The following RALGPS2 variants were observed in gnomAD, a reference collection of about 807,000 sequenced individuals.
RALGPS2 encodes ras-specific guanine nucleotide-releasing factor RalGPS2.
A neutral mutation model predicts 86.8 loss-of-function variants in RALGPS2; 43 were observed. The ratio of observed to expected loss-of-function variants is 0.50; its 90% CI spans 0.39 to 0.64. The LOEUF (loss-of-function observed/expected upper bound fraction) is 0.64. Among genes scored for constraint, RALGPS2 ranks in the 30% least tolerant of loss-of-function variants. The pLI, the probability that RALGPS2 is intolerant of heterozygous loss-of-function variation, is 0.00. For synonymous variants in RALGPS2, 243 were observed against 231.3 expected, an observed-to-expected ratio of 1.05 and a Z score of -0.46; for missense variants, 536 against 694.6, an observed-to-expected ratio of 0.77 and a Z score of 2.57.
rs61747558 is a variant in RALGPS2, at chr1:178,776,779, C to T, written c.15C>T (p.Asn5=). MDLM[N]GQASSVNIAA... ...ATGAGGAAAGCATGGACCTAATGAACGGGCAGGCAAGCAGTGTCAATATTG... is the reference window on the plus strand; with the variant it reads ...ATGAGGAAAGCATGGACCTAATGAATGGGCAGGCAAGCAGTGTCAATATTG... Residue 5 remains asparagine (N), a synonymous_variant, in exon 2 of 20, where the codon AAC becomes AAT. Transcript: ENST00000367635. 37,944 of 1,611,780 alleles carry T rather than the reference C, an allele frequency of 0.024. 586 individuals are homozygous for T. The highest frequency in any genetic ancestry group is 0.041 in the Middle Eastern group (246 of 6,042).
intron 1 of RALGPS2, among the ~76,000 whole-genome samples, chr1:178,731,052 G>A (rs1030772419): frequency 1.3e-5 from 2 of 151,906 alleles, no homozygotes; most frequent in East Asian, 3.9e-4. Flanking sequence ...CATATCCTCC[G>A]CTTTCTTGAT....
At chr1:178,747,787 T>C (rs1651422035) in intron 1 of RALGPS2, 2 of 768,894 alleles carry the variant, frequency 2.6e-6, no homozygotes, top group South Asian at 3.0e-5. Context: ...GAGCAGAGCC[T>C]GTGCCAGCGG....
intron 17 of RALGPS2, among the ~76,000 whole-genome samples, chr1:178,898,300 A>C (rs1660029169): frequency 6.6e-6 from 1 of 152,010 alleles, no homozygotes; most frequent in Admixed American, 6.6e-5. Flanking sequence ...ATGTTGCATT[A>C]ATAAAATCTG....
Position 178,776,802 on chromosome 1 carries a change from T to C in RALGPS2, c.38T>C (p.Ile13Thr), listed in dbSNP as rs769918061. ...AACGGGCAGGCAAGCAGTGTCAATA[T>C]TGCAGCTACTGCTTCTGAGGTAAGA... ...LMNGQASSVN[I>T]AATASEKSSS... is the part of the protein sequence containing the mutation. The change falls in exon 2 of 20, where the codon ATT becomes ACT. Residue 13 changes from isoleucine (I) to threonine (T), a missense_variant. Transcript: ENST00000367635. 1 of 1,613,156 alleles carries C rather than the reference T, an allele frequency of 6.2e-7. No homozygotes were observed. Among genetic ancestry groups the C allele is most frequent in the Non-Finnish European group, 8.5e-7 (1 of 1,179,436 alleles).
intron 1 of RALGPS2, among the ~76,000 whole-genome samples, chr1:178,770,602 G>A (rs1320455437): frequency 4.8e-5 from 7 of 147,204 alleles, no homozygotes; most frequent in Non-Finnish European, 1.0e-4. Flanking sequence ...TTAGCCTCCC[G>A]AGTAGCTGGT....
chr1:178,900,515 G>A (rs762894960), intron 17 of RALGPS2, among the ~76,000 whole-genome samples: 1 of 151,698 alleles, frequency 6.6e-6, no homozygotes, highest in Non-Finnish European at 1.5e-5. Context: ...TATTTAGCTT[G>A]GTAATAACCA....
intron 8 of RALGPS2, among the ~76,000 whole-genome samples, chr1:178,837,143 T>C (rs948609209): frequency 2.6e-5 from 4 of 152,178 alleles, no homozygotes; most frequent in African/African-American, 9.7e-5. Flanking sequence ...TTCTGTATAT[T>C]GCCTGATCTT....
At chr1:178,914,060 A>G (rs937379038) in intron 19 of RALGPS2, among the ~76,000 whole-genome samples, 1 of 152,148 alleles carries the variant, frequency 6.6e-6, no homozygotes, top group African/African-American at 2.4e-5. Context: ...GGAGTGGCCA[A>G]ACAGGGACCT....
chr1:178,813,721 G>A (rs1209106044), intron 6 of RALGPS2, among the ~76,000 whole-genome samples: 1 of 152,192 alleles, frequency 6.6e-6, no homozygotes, highest in Non-Finnish European at 1.5e-5. Context: ...TGGAAACTCA[G>A]GAGTTTAGGC....
intron 1 of RALGPS2, among the ~76,000 whole-genome samples, chr1:178,759,314 T>G (rs1181747223): frequency 6.6e-6 from 1 of 152,176 alleles, no homozygotes; most frequent in Non-Finnish European, 1.5e-5. Context: ...CCAGCCCTGT[T>G]TATTGAAGAG....
At chr1:178,726,443 A>T (rs980243660) in intron 1 of RALGPS2, among the ~76,000 whole-genome samples, 36 of 151,992 alleles carry the variant, frequency 2.4e-4, no homozygotes, top group Non-Finnish European at 2.9e-5. Flanking sequence ...TACCTAGTAC[A>T]AATGTTAATT....
At chr1:178,810,479 C>T (rs973200142) in intron 5 of RALGPS2, among the ~76,000 whole-genome samples, 7 of 150,726 alleles carry the variant, frequency 4.6e-5, no homozygotes, top group Non-Finnish European at 7.4e-5. Context: ...GATTTGAATT[C>T]GTAGTTGATA....
In RALGPS2 at chr1:178,852,904, A is replaced by G. The variant is rs1290520063; in HGVS notation, c.607+19354A>G. On this transcript the variant is annotated intron_variant, in intron 8 of 19. Transcript: ENST00000367635. ...ATTATCTTGATTGCTAAGCATATAGATATTTTCCAGTCCAAGCCAGTATTC... is the reference window on the plus strand; with the variant it reads ...ATTATCTTGATTGCTAAGCATATAGGTATTTTCCAGTCCAAGCCAGTATTC... The G allele has an allele frequency of 3.1e-6, 5 of 1,613,700 alleles. No homozygotes were observed. In the Admixed American group the frequency reaches 5.0e-5, roughly 16 times the overall value.
chr1:178,783,000 A>G (rs913857), intron 2 of RALGPS2, among the ~76,000 whole-genome samples: 35,329 of 152,090 alleles, frequency 0.23, 4,310 homozygotes, highest in Admixed American at 0.31. Flanking sequence ...ATTTGAAGAG[A>G]TACATCAAGC....
intron 11 of RALGPS2, among the ~76,000 whole-genome samples, chr1:178,884,273 A>G (rs1659383310): frequency 1.3e-5 from 2 of 152,204 alleles, no homozygotes; most frequent in Non-Finnish European, 1.5e-5. Flanking sequence ...TTAAAAATGT[A>G]AAAATCATAG....
At chr1:178,781,689 T>G (rs1212100288) in intron 2 of RALGPS2, among the ~76,000 whole-genome samples, 1 of 152,202 alleles carries the variant, frequency 6.6e-6, no homozygotes, top group Non-Finnish European at 1.5e-5. Context: ...AGTTAAAAAC[T>G]TGGAGAAAAT....
chr1:178,759,766 A>G (rs773550218), intron 1 of RALGPS2, among the ~76,000 whole-genome samples: 5 of 151,784 alleles, frequency 3.3e-5, no homozygotes, highest in Non-Finnish European at 5.9e-5. Context: ...TTCTTTCATC[A>G]GTGTTTTATA....
intron 4 of RALGPS2, among the ~76,000 whole-genome samples, chr1:178,802,259 G>A (rs988322355): frequency 6.6e-6 from 1 of 152,088 alleles, no homozygotes; most frequent in Non-Finnish European, 1.5e-5. Context: ...TACATTTACA[G>A]TACTGTATTG....
At chr1:178,914,645 G>C (rs145611757) in intron 19 of RALGPS2, among the ~76,000 whole-genome samples, 3 of 151,818 alleles carry the variant, frequency 2.0e-5, no homozygotes, top group Non-Finnish European at 2.9e-5. Context: ...GCTTTGCCTA[G>C]TTGGCCATCT....
Sources: gnomAD v4.1 joint callset for allele counts (sites outside exome capture counted in the v4.1 genomes callset) on GRCh38, gnomAD v4.1.1 for gene constraint, MANE v1.5 for transcripts, NCBI Gene and HGNC (gene_info 2026-07-23, HGNC 2026-07-21) for gene names.